Variants in OXNAD1 observed in about 807,000 individuals in gnomAD.
OXNAD1 encodes oxidoreductase NAD binding domain containing 1, also known as oxidoreductase NAD-binding domain-containing protein 1.
Under a neutral mutation model 32.9 loss-of-function variants are expected in OXNAD1, and 34 were observed. The ratio of observed to expected loss-of-function variants is 1.03; its 90% CI spans 0.79 to 1.38. OXNAD1 has a LOEUF of 1.38. Among genes scored for constraint, OXNAD1 ranks in the 40% most tolerant of loss-of-function variants. The pLI, the probability that OXNAD1 is intolerant of heterozygous loss-of-function variation, is 0.00. For synonymous variants in OXNAD1, 134 were observed against 135.2 expected (o/e 0.99, Z 0.06); for missense variants, 407 against 379.4 (o/e 1.07, Z -0.60).
rs1172878914 is a variant in OXNAD1 at position 16,277,012 on chromosome 3, C to A, written c.183+5290C>A. On this transcript the variant is annotated intron_variant, in intron 4 of 8. Coordinates refer to ENST00000285083, the MANE Select transcript of OXNAD1 (RefSeq NM_138381.5). The surrounding 1 kb of genome is among the most constrained non-coding windows in gnomAD (Gnocchi z 4.3). ...CGATCTTGGCTCACTGCAACCTCTG[C>A]CTCCCGGGTTCAAGTGACTCTCCTG... Among the ~76,000 whole-genome samples the A allele has an allele frequency of 6.6e-6, 1 of 151,736 alleles. No individual in the cohort carries two copies. The highest frequency in any genetic ancestry group is 6.6e-5 in the Admixed American group (1 of 15,244).
At position 16,317,019 on chromosome 3, in the gene OXNAD1, T is replaced by G; in HGVS notation, c.*30+13427T>G. On this transcript the variant is annotated intron_variant, in intron 9 of 9. Coordinates refer to the OXNAD1 transcript ENST00000435829. This position sits in a 1 kb window ranked among gnomAD's most constrained non-coding sequence, Gnocchi z 4.3. ...CCACCAGGGGACAGCTGTTCTCCCTTGTCCTCTTGGACAGGGCCCTTCATC... is the reference window on the plus strand; with the variant it reads ...CCACCAGGGGACAGCTGTTCTCCCTGGTCCTCTTGGACAGGGCCCTTCATC... The G allele has an allele frequency of 1.9e-6, 3 of 1,613,974 alleles. No homozygotes were observed. Among genetic ancestry groups the G allele is most frequent in the South Asian group, 1.1e-5 (1 of 91,074 alleles).
At position 16,334,998 on chromosome 3, in the gene OXNAD1, G is replaced by A. The variant is rs2070709496; in HGVS notation, c.*31-2114G>A. 6.6e-6 allele frequency among the ~76,000 whole-genome samples: 1 copy of A among 152,160 alleles called. No homozygotes were observed. Among genetic ancestry groups the A allele is most frequent in the Non-Finnish European group, 1.5e-5 (1 of 68,030 alleles). On this transcript the variant is annotated intron_variant, in intron 9 of 9. Coordinates refer to the OXNAD1 transcript ENST00000435829. The surrounding 1 kb of genome is among the most constrained non-coding windows in gnomAD (Gnocchi z 4.3). Reference sequence around the variant, plus strand: ...TGGGCAGCTTCCAGAAGCTGGCAATGGTCGGTAACAGATTGTCTCCTAAAA... The same window carrying A: ...TGGGCAGCTTCCAGAAGCTGGCAATAGTCGGTAACAGATTGTCTCCTAAAA...
At chr3:16,319,378 A>C (rs571706141) in intron 9 of OXNAD1, among the ~76,000 whole-genome samples, 1 of 152,122 alleles carries the variant, frequency 6.6e-6, no homozygotes, top group Non-Finnish European at 1.5e-5. Flanking sequence ...TAGTGCTGGC[A>C]CTCATTAGCT....
chr3:16,339,447 A>G (rs1380554456), downstream of OXNAD1: 1 of 152,182 alleles, frequency 6.6e-6, no homozygotes, highest in Non-Finnish European at 1.5e-5. Context: ...CTGGCTGTTC[A>G]TTAGTCCAAT....
At position 16,346,874 on chromosome 3, in the gene OXNAD1, C is replaced by G. The variant is rs1305916931; in HGVS notation, c.*31-2302C>G. On this transcript the variant is annotated intron_variant, in intron 9 of 9. Transcript: ENST00000606098. The surrounding 1 kb of genome is among the most constrained non-coding windows in gnomAD (Gnocchi z 4.4). ...GATGAGTACAGAAAGATGGCAACAT[C>G]TGGATCCCTGGTGGCATCTTTAAGC... Among the ~76,000 whole-genome samples, 1 of 152,174 alleles carries G rather than the reference C, an allele frequency of 6.6e-6. No homozygotes were observed. Among genetic ancestry groups the G allele is most frequent in the Non-Finnish European group, 1.5e-5 (1 of 68,022 alleles).
At chr3:16,315,416 T>A (rs1301771893) in intron 9 of OXNAD1, among the ~76,000 whole-genome samples, 1 of 152,238 alleles carries the variant, frequency 6.6e-6, no homozygotes, top group Non-Finnish European at 1.5e-5. Flanking sequence ...ATGCCTGGCC[T>A]ACAAATGTTT....
chr3:16,307,986 A>G (rs539912133), downstream of OXNAD1, among the ~76,000 whole-genome samples: 2 of 151,506 alleles, frequency 1.3e-5, no homozygotes, highest in East Asian at 3.9e-4. Context: ...AGTGGGACTC[A>G]GTTAGGGAAG....
intron 1 of OXNAD1, among the ~76,000 whole-genome samples, chr3:16,266,627 G>A (rs1002612775): frequency 1.2e-4 from 14 of 118,414 alleles, no homozygotes; most frequent in African/African-American, 3.0e-4. Flanking sequence ...AAAAAAAAAA[G>A]AAGTAGGTCA....
At chr3:16,270,418 CTGTAGTAAT>C (rs2064842164) in intron 2 of OXNAD1, among the ~76,000 whole-genome samples, 1 of 152,152 alleles carries the variant, frequency 6.6e-6, no homozygotes, top group African/African-American at 2.4e-5. Flanking sequence ...ACCTTATCTC[CTGTAGTAAT>C]GGCATTTGGA....
At position 16,299,155 on chromosome 3, in the gene OXNAD1, T is replaced by C. The variant is rs1409898125; in HGVS notation, c.433-2471T>C. The stretch of plus-strand genomic sequence containing the variant: ...TTGTCATTACTAAGCATGCCAAAGA[T>C]GGCCACTGGAGAAAATTATTTCAGT... On this transcript the variant is annotated intron_variant, in intron 6 of 8. Coordinates refer to ENST00000285083, the MANE Select transcript of OXNAD1 (RefSeq NM_138381.5). This position sits in a 1 kb window ranked among gnomAD's most constrained non-coding sequence, Gnocchi z 4.4. Among the ~76,000 whole-genome samples, 1 of 152,178 alleles carries C rather than the reference T, an allele frequency of 6.6e-6. No homozygotes were observed. The highest frequency in any genetic ancestry group is 2.4e-5 in the African/African-American group (1 of 41,428).
chr3:16,296,970 A>G (rs1033024547), intron 6 of OXNAD1, among the ~76,000 whole-genome samples: 2 of 152,228 alleles, frequency 1.3e-5, no homozygotes, highest in Non-Finnish European at 2.9e-5. Flanking sequence ...AGCAAGATCC[A>G]TCAAAAAAAA....
In OXNAD1 at chr3:16,301,737, A is replaced by G; in HGVS notation, c.544A>G (p.Asn182Asp). 6.2e-7 allele frequency: 1 copy of G among 1,614,042 alleles called. No individual in the cohort carries two copies. Among genetic ancestry groups the G allele is most frequent in the Non-Finnish European group, 8.5e-7 (1 of 1,179,984 alleles). Reference protein sequence around the residue: ...LVLIAGGVGINPLLSILRHAA... With the variant: ...LVLIAGGVGIDPLLSILRHAA... ...GTTGATTGCAGGAGGAGTCGGAATTAACCCTCTGCTTTCCATCCTGCGGCA... is the reference window on the plus strand; with the variant it reads ...GTTGATTGCAGGAGGAGTCGGAATTGACCCTCTGCTTTCCATCCTGCGGCA... The change falls in exon 7 of 9, where the codon AAC (asparagine) becomes GAC (aspartate). Residue 182 changes from asparagine (N) to aspartate (D), a missense_variant. Physicochemically the swap from Asn to Asp is conservative, Grantham distance 23. Transcript: ENST00000285083. The surrounding 1 kb of genome is among the most constrained non-coding windows in gnomAD (Gnocchi z 4.1).
Position 16,266,602 on chromosome 3 carries a change from C to CAAAA in OXNAD1, c.-159+1118_-159+1121dup, listed in dbSNP as rs77883979. On this transcript the variant is annotated intron_variant, in intron 1 of 8. Transcript: ENST00000285083. ...TGGGCGACAGAGCTAGACGCTGTCT[C>CAAAA]AAAAAAAAAAAAAAAAAAAAAAAAG... Among the ~76,000 whole-genome samples the CAAAA allele has an allele frequency of 1.4e-3, 101 of 72,932 alleles. 2 individuals carry two copies. Among genetic ancestry groups the CAAAA allele is most frequent in the African/African-American group, 3.0e-3 (52 of 17,394 alleles). 47.8% of individuals were successfully genotyped at this position (72,932 alleles called of 152,430 possible). A position where few individuals can be genotyped will look rare whatever the true frequency, so the allele number is the denominator to read the frequency against.
At chr3:16,308,817 G>GC (rs1330513258), downstream of OXNAD1, among the ~76,000 whole-genome samples, 1 of 152,022 alleles carries the variant, frequency 6.6e-6, no homozygotes, top group Non-Finnish European at 1.5e-5. This position sits in a 1 kb window ranked among gnomAD's most constrained non-coding sequence, Gnocchi z 4.4. Context: ...GCCTAACCTG[G>GC]CCCCTTCCAG....
At chr3:16,340,772 T>A (rs1198255846), downstream of OXNAD1, among the ~76,000 whole-genome samples, 1 of 152,156 alleles carries the variant, frequency 6.6e-6, no homozygotes, top group Non-Finnish European at 1.5e-5. Context: ...CTGAACAACA[T>A]CAAGAATTTT....
Position 16,317,260 on chromosome 3 carries a change from TAAC to T in OXNAD1, c.*30+13671_*30+13673del, listed in dbSNP as rs2125154373. 1 of 1,606,138 alleles carries T rather than the reference TAAC, an allele frequency of 6.2e-7. No homozygotes were observed. Reference sequence around the variant, plus strand: ...AGAAATCAGAAAGGATGGGGATAAATAACAAGCCTCCGGGAACCCAGAGCTTCA... The same window carrying T: ...AGAAATCAGAAAGGATGGGGATAAATAAGCCTCCGGGAACCCAGAGCTTCA... On this transcript the variant is annotated intron_variant, in intron 9 of 9. Coordinates refer to the OXNAD1 transcript ENST00000435829. This position sits in a 1 kb window ranked among gnomAD's most constrained non-coding sequence, Gnocchi z 4.3.
At chr3:16,309,135 C>A (rs9845427), downstream of OXNAD1, among the ~76,000 whole-genome samples, 40,276 of 151,946 alleles carry the variant, frequency 0.27, 6,738 homozygotes, top group African/African-American at 0.49. Context: ...ACAACTATGT[C>A]TCTCTTTCTT....
chr3:16,330,445 A>T (rs532609600), intron 9 of OXNAD1, among the ~76,000 whole-genome samples: 1 of 152,382 alleles, frequency 6.6e-6, no homozygotes, highest in South Asian at 2.1e-4. Flanking sequence ...GGTAGGAAAC[A>T]TATCCGGATG....
chr3:16,277,134 G>C lies in OXNAD1; in HGVS notation c.183+5412G>C, dbSNP rs1483963234. 1.3e-5 allele frequency among the ~76,000 whole-genome samples: 2 copies of C among 151,776 alleles called. No individual in the cohort carries two copies. ...AGTAGAGACGGGGTTTCACTGTGTTGGCCAGGCTTGTCTTGAACTCCTGAC... is the reference window on the plus strand; with the variant it reads ...AGTAGAGACGGGGTTTCACTGTGTTCGCCAGGCTTGTCTTGAACTCCTGAC... On this transcript the variant is annotated intron_variant, in intron 4 of 8. Transcript: ENST00000285083. This position sits in a 1 kb window ranked among gnomAD's most constrained non-coding sequence, Gnocchi z 4.3.
Sources: allele counts gnomAD v4.1 joint callset (sites outside exome capture counted in the v4.1 genomes callset), GRCh38; gene constraint gnomAD v4.1.1; non-coding constraint Gnocchi (gnomAD v3.1); transcripts MANE v1.5; gene names NCBI Gene and HGNC (gene_info 2026-07-23, HGNC 2026-07-21).